Variants in PATJ observed in about 807,000 individuals in gnomAD.
PATJ encodes PATJ crumbs cell polarity complex component, also known as inaD-like protein.
A neutral mutation model predicts 224.9 loss-of-function variants in PATJ; 190 were observed. The ratio of observed to expected loss-of-function variants is 0.84; its 90% CI spans 0.75 to 0.95. PATJ has a LOEUF of 0.95. Among genes scored for constraint, PATJ ranks in the 40% least tolerant of loss-of-function variants. The probability of loss-of-function intolerance (pLI) is 0.00; values close to 1 mark genes in which losing one functional copy is unlikely to be tolerated. For missense variants in PATJ, 2,121 were observed against 2,270.3 expected (o/e 0.93, Z 1.34); for synonymous variants, 769 against 820.3 (o/e 0.94, Z 1.07).
intron 27 of PATJ, among the ~76,000 whole-genome samples, chr1:61,963,968 G>T (rs1681699249): frequency 6.6e-6 from 1 of 152,144 alleles, no homozygotes; most frequent in Non-Finnish European, 1.5e-5. Context: ...AGCTTTAGTT[G>T]AATGTTATTT....
At position 61,763,033 on chromosome 1, in the gene PATJ, G is replaced by A; in HGVS notation, c.43G>A (p.Val15Ile). 1 of 1,610,272 alleles carries A rather than the reference G, an allele frequency of 6.2e-7. No individual in the cohort carries two copies. The highest frequency in any genetic ancestry group is 8.5e-7 in the Non-Finnish European group (1 of 1,177,804). Residue 15 changes from valine to isoleucine, a missense_variant, in exon 3 of 44, where the codon GTA becomes ATA. Physicochemically the swap from Val to Ile is conservative, Grantham distance 29 (BLOSUM62 3). Transcript: ENST00000642238. ...CCAAGATAAACTGCAGGTGCTGCAG[G>A]TACTTGATCGCCTGAAAATGAAATT... is the stretch of plus-strand genomic sequence containing the variant. ...PATDKLQVLQVLDRLKMKLQE... is the reference protein window; with the variant it reads ...PATDKLQVLQILDRLKMKLQE...
chr1:61,750,315 G>A (rs1226720044), intron 1 of PATJ, among the ~76,000 whole-genome samples: 1 of 152,134 alleles, frequency 6.6e-6, no homozygotes, highest in Non-Finnish European at 1.5e-5. Flanking sequence ...GGGCTTTCAG[G>A]GACAGGTCAG....
intron 8 of PATJ, among the ~76,000 whole-genome samples, chr1:61,788,522 T>A (rs1233648277): frequency 6.6e-6 from 1 of 152,182 alleles, no homozygotes; most frequent in Non-Finnish European, 1.5e-5. Context: ...GTTAAAGACC[T>A]TATAGGGAGT....
At chr1:61,813,364 T>TATATATATAC (rs1553167529) in intron 14 of PATJ, among the ~76,000 whole-genome samples, 39 of 50,884 alleles carry the variant, frequency 7.7e-4, no homozygotes, top group African/African-American at 3.3e-3. Context: ...TATATATATA[T>TATATATATAC]ATATATATAT....
intron 28 of PATJ, among the ~76,000 whole-genome samples, chr1:62,016,366 A>G (rs903812971): frequency 1.3e-5 from 2 of 151,632 alleles, no homozygotes; most frequent in African/African-American, 4.9e-5. Context: ...GTGCCTTAAA[A>G]TGCAAAATTC....
intron 5 of PATJ, among the ~76,000 whole-genome samples, chr1:61,770,888 C>G (rs1646562546): frequency 7.3e-6 from 1 of 136,752 alleles, no homozygotes; most frequent in Admixed American, 7.7e-5. Context: ...CCAGCCTGGG[C>G]AAATAGGAGT....
rs141581656 is a variant in PATJ, at chr1:61,845,035, A to G, written c.2113-10995A>G. The stretch of plus-strand genomic sequence containing the variant: ...AAATGGACTAATACAACAGGTAAGT[A>G]TGTAAGGGAACAATCATAATATATA... On this transcript the variant is annotated intron_variant, in intron 17 of 43. Coordinates refer to ENST00000642238, the MANE Select transcript of PATJ (RefSeq NM_001350145.3). Among the ~76,000 whole-genome samples the G allele has an allele frequency of 7.6e-3, 1,153 of 152,318 alleles. 5 individuals carry two copies. The highest frequency in any genetic ancestry group is 0.013 in the Admixed American group (192 of 15,284).
intron 30 of PATJ, among the ~76,000 whole-genome samples, chr1:62,049,055 A>G (rs192071376): frequency 9.2e-5 from 14 of 152,310 alleles, no homozygotes; most frequent in Admixed American, 5.2e-4. Context: ...AAATCTGCCC[A>G]ATTCTAAAGT....
intron 15 of PATJ, among the ~76,000 whole-genome samples, chr1:61,824,386 CA>C (rs1657850633): frequency 6.7e-6 from 1 of 148,744 alleles, no homozygotes; most frequent in Admixed American, 6.8e-5. Flanking sequence ...TTTTTGGTGG[CA>C]AAATATATAT....
At chr1:61,829,462 C>T (rs1658925302) in intron 16 of PATJ, among the ~76,000 whole-genome samples, 1 of 152,170 alleles carries the variant, frequency 6.6e-6, no homozygotes, top group Non-Finnish European at 1.5e-5. Flanking sequence ...ATCACAAACC[C>T]CACTTGCTGA....
At chr1:62,049,830 A>G (rs1287291819) in intron 30 of PATJ, among the ~76,000 whole-genome samples, 1 of 152,220 alleles carries the variant, frequency 6.6e-6, no homozygotes, top group Non-Finnish European at 1.5e-5. Flanking sequence ...TCCACGTGCC[A>G]GGCATGGTGA....
chr1:61,778,747 C>G (rs987645915), intron 7 of PATJ, among the ~76,000 whole-genome samples: 1 of 152,108 alleles, frequency 6.6e-6, no homozygotes, highest in African/African-American at 2.4e-5. Context: ...GTTGCCCAGG[C>G]TGGAGTGCAG....
chr1:62,036,195 T>A (rs1231225545), intron 29 of PATJ, among the ~76,000 whole-genome samples: 2 of 152,166 alleles, frequency 1.3e-5, no homozygotes, highest in African/African-American at 4.8e-5. Flanking sequence ...ATAACTTTGC[T>A]GGGTGGAGAA....
intron 27 of PATJ, among the ~76,000 whole-genome samples, chr1:61,959,841 G>A (rs1392634109): frequency 3.3e-5 from 5 of 151,928 alleles, no homozygotes; most frequent in Non-Finnish European, 5.9e-5. Context: ...GGGCAATATA[G>A]CCAGACTTCC....
chr1:61,846,585 T>G (rs1412727762), intron 17 of PATJ, among the ~76,000 whole-genome samples: 1 of 152,174 alleles, frequency 6.6e-6, no homozygotes, highest in African/African-American at 2.4e-5. Context: ...TATATTCACA[T>G]TTCAACTAAT....
intron 25 of PATJ, 56 bp downstream of exon 25, chr1:61,908,538 C>A: frequency 9.5e-7 from 1 of 1,048,282 alleles, no homozygotes; most frequent in Non-Finnish European, 1.5e-6. Flanking sequence ...TACCTGCAGA[C>A]CAAGCTTTGG....
chr1:62,017,924 A>G lies in PATJ; in HGVS notation c.3936A>G (p.Ser1312=). The part of the protein sequence containing the change: ...NASAIIKTAP[S]KVKLVFIRNE... ...CTGCCATTATTAAGACTGCCCCATC[A>G]AAGGTCAAGCTGGTTTTCATCAGGT... Residue 1312 remains serine (S), a synonymous_variant, in exon 29 of 44, where the codon TCA becomes TCG. Coordinates refer to ENST00000642238, the MANE Select transcript of PATJ (RefSeq NM_001350145.3). The G allele has an allele frequency of 6.2e-7, 1 of 1,611,216 alleles. No individual in the cohort carries two copies. The highest frequency in any genetic ancestry group is 8.5e-7 in the Non-Finnish European group (1 of 1,177,430).
At chr1:62,136,761 G>T (rs1279813388) in intron 41 of PATJ, among the ~76,000 whole-genome samples, 2 of 151,774 alleles carry the variant, frequency 1.3e-5, no homozygotes, top group East Asian at 3.9e-4. Flanking sequence ...CTGGAGTGCA[G>T]TGGCACAATC....
chr1:62,010,023 C>G (rs908998350), intron 28 of PATJ, among the ~76,000 whole-genome samples: 2 of 144,402 alleles, frequency 1.4e-5, no homozygotes, highest in African/African-American at 5.2e-5. Context: ...GGGGAGGTTA[C>G]AGTGAGCCGA....
Sources: allele counts gnomAD v4.1 joint callset (sites outside exome capture counted in the v4.1 genomes callset), GRCh38; gene constraint gnomAD v4.1.1; transcripts MANE v1.5; gene names NCBI Gene and HGNC (gene_info 2026-07-23, HGNC 2026-07-21).